The following UIMC1 variants were observed in gnomAD, a reference collection of about 807,000 sequenced individuals.
The protein encoded by UIMC1 is BRCA1-A complex subunit RAP80.
In UIMC1, 42 loss-of-function variants were observed where a neutral mutation model predicts 84.9. That is an observed-to-expected ratio of 0.49 (90% CI 0.39 to 0.64). UIMC1 has a LOEUF of 0.64. Among genes scored for constraint, UIMC1 ranks in the 30% least tolerant of loss-of-function variants. The pLI, the probability that UIMC1 is intolerant of heterozygous loss-of-function variation, is 0.00. For missense variants in UIMC1, 825 were observed against 847.6 expected, an observed-to-expected ratio of 0.97 and a Z score of 0.33; for synonymous variants, 281 against 293.0, an observed-to-expected ratio of 0.96 and a Z score of 0.42.
intron 8 of UIMC1, among the ~76,000 whole-genome samples, chr5:176,954,249 C>CA (rs1766282814): frequency 6.6e-6 from 1 of 152,166 alleles, no homozygotes; most frequent in Non-Finnish European, 1.5e-5. Flanking sequence ...TCATCCTAAA[C>CA]AGACTGAGTG....
At chr5:176,945,092 GA>G (rs1764911146) in intron 9 of UIMC1, among the ~76,000 whole-genome samples, 1 of 152,200 alleles carries the variant, frequency 6.6e-6, no homozygotes, top group Non-Finnish European at 1.5e-5. Context: ...TGTTGTGGCA[GA>G]AATAAAAAGC....
upstream of UIMC1, among the ~76,000 whole-genome samples, chr5:177,007,160 G>C (rs181444380): frequency 6.6e-6 from 1 of 152,042 alleles, no homozygotes; most frequent in Non-Finnish European, 1.5e-5. Flanking sequence ...GGTCAACATA[G>C]AGAAACCCCT....
At chr5:176,989,639 C>T (rs1772513357) in intron 1 of UIMC1, among the ~76,000 whole-genome samples, 1 of 150,904 alleles carries the variant, frequency 6.6e-6, no homozygotes, top group African/African-American at 2.4e-5. Context: ...CCTAGTCAAC[C>T]GACCAAGACC....
intron 6 of UIMC1, among the ~76,000 whole-genome samples, chr5:176,966,580 A>C (rs6894285): frequency 1.3e-5 from 2 of 152,108 alleles, no homozygotes; most frequent in Admixed American, 1.3e-4. Flanking sequence ...TTAAAATTAC[A>C]ATTTATATAT....
chr5:177,018,493 A>T (rs353468), intron 1 of UIMC1, among the ~76,000 whole-genome samples: 87,797 of 152,050 alleles, frequency 0.58, 27,084 homozygotes, highest in African/African-American at 0.81. Context: ...TATGCTGAAC[A>T]GTAGCCAGTT....
chr5:176,914,388 A>G (rs1188596950), intron 10 of UIMC1, among the ~76,000 whole-genome samples: 1 of 152,212 alleles, frequency 6.6e-6, no homozygotes, highest in Non-Finnish European at 1.5e-5. Context: ...AAACTGTGAC[A>G]TGTTACCAGA....
intron 13 of UIMC1, 27 bp downstream of exon 13, chr5:176,907,087 C>T: frequency 6.2e-7 from 1 of 1,611,940 alleles, no homozygotes; most frequent in East Asian, 2.2e-5. Flanking sequence ...AGGCAGAAGC[C>T]CAGAAAACTG....
intron 10 of UIMC1, among the ~76,000 whole-genome samples, chr5:176,929,097 G>GA: frequency 6.7e-6 from 1 of 149,328 alleles, no homozygotes; most frequent in East Asian, 2.0e-4. Flanking sequence ...ACTAATAATA[G>GA]AAAAAAAATT....
chr5:176,934,821 T>C (rs1333818104), intron 10 of UIMC1, among the ~76,000 whole-genome samples: 2 of 152,232 alleles, frequency 1.3e-5, no homozygotes, highest in East Asian at 3.8e-4. Flanking sequence ...AAAAATTCTT[T>C]CTTTCCATTA....
At position 176,961,027 on chromosome 5, in the gene UIMC1, G is replaced by A. The variant is rs1331501634; in HGVS notation, c.1201-2873C>T. Among the ~76,000 whole-genome samples the A allele has an allele frequency of 8.7e-3, 451 of 51,870 alleles. 80 individuals are homozygous for A. The highest frequency in any genetic ancestry group is 0.066 in the South Asian group (98 of 1,478). 34.0% of individuals were successfully genotyped at this position (51,870 alleles called of 152,430 possible). A position where few individuals can be genotyped will look rare whatever the true frequency, so the allele number is the denominator to read the frequency against. On this transcript the variant is annotated intron_variant, in intron 6 of 14. Coordinates refer to ENST00000511320, the MANE Select transcript of UIMC1 (RefSeq NM_001199298.2). Reference sequence around the variant, plus strand: ...CTGCCTTGGCCTCCCAAAGTGCCGAGATTGCAGCCTCTGCCCGGCCGCCAC... The same window carrying A: ...CTGCCTTGGCCTCCCAAAGTGCCGAAATTGCAGCCTCTGCCCGGCCGCCAC...
chr5:176,962,495 G>A (rs1171961150), intron 6 of UIMC1, among the ~76,000 whole-genome samples: 3 of 103,324 alleles, frequency 2.9e-5, no homozygotes, highest in Non-Finnish European at 5.9e-5. Context: ...CCCCCCGACC[G>A]GCCAGCCGCC....
At chr5:176,911,715 C>T (rs548578646) in intron 10 of UIMC1, among the ~76,000 whole-genome samples, 4 of 152,236 alleles carry the variant, frequency 2.6e-5, no homozygotes, top group African/African-American at 9.6e-5. Context: ...TTTACACTTT[C>T]CCAAGCAAAA....
chr5:176,980,301 CTTCT>C (rs1415711056), intron 2 of UIMC1: 2 of 151,392 alleles, frequency 1.3e-5, no homozygotes, highest in African/African-American at 4.9e-5. Context: ...TCTGTCCGTC[CTTCT>C]GTCCGTCCAT....
At chr5:176,990,801 G>A (rs531428663) in intron 1 of UIMC1, among the ~76,000 whole-genome samples, 1 of 151,894 alleles carries the variant, frequency 6.6e-6, no homozygotes, top group South Asian at 2.1e-4. Flanking sequence ...AGCTTCCCAG[G>A]TAGGTAGGAC....
rs532018405 is a variant in UIMC1 at position 176,928,726 on chromosome 5, C to T, written c.1597+14609G>A. Among the ~76,000 whole-genome samples the T allele has an allele frequency of 6.0e-5, 9 of 151,120 alleles. No homozygotes were observed. The South Asian group carries it at 1.0e-3, about 18-fold the overall frequency. On this transcript the variant is annotated intron_variant, in intron 10 of 14. Transcript: ENST00000511320. ...CAGCACTTTGGGAGGCTGAGGTGGG[C>T]GGATCACGAGGTCAGGAGATCAAGA...
intron 1 of UIMC1, among the ~76,000 whole-genome samples, chr5:176,985,177 T>C (rs1771774060): frequency 6.6e-6 from 1 of 152,076 alleles, no homozygotes; most frequent in South Asian, 2.1e-4. Context: ...AAACATAGAC[T>C]GGGCACAGTG....
intron 2 of UIMC1, among the ~76,000 whole-genome samples, chr5:176,978,730 C>T (rs957338913): frequency 3.3e-5 from 5 of 151,818 alleles, no homozygotes; most frequent in Non-Finnish European, 7.4e-5. Context: ...ATACTAATCC[C>T]ATATATAATA....
intron 8 of UIMC1, among the ~76,000 whole-genome samples, chr5:176,953,546 G>C (rs575753911): frequency 1.8e-3 from 230 of 124,392 alleles, no homozygotes; most frequent in South Asian, 5.4e-3. Flanking sequence ...TTGGAAAAAG[G>C]CTTACAGGAC....
intron 1 of UIMC1, among the ~76,000 whole-genome samples, chr5:176,991,129 T>A (rs1772778753): frequency 6.6e-6 from 1 of 152,026 alleles, no homozygotes; most frequent in Admixed American, 6.6e-5. Flanking sequence ...TGCTTCAGCC[T>A]CCTGAGTAGC....
Sources: allele counts gnomAD v4.1 joint callset (sites outside exome capture counted in the v4.1 genomes callset), GRCh38; gene constraint gnomAD v4.1.1; transcripts MANE v1.5; gene names NCBI Gene and HGNC (gene_info 2026-07-23, HGNC 2026-07-21).